The following ROR1 variants were observed in gnomAD, a reference collection of about 807,000 sequenced individuals.
The protein encoded by ROR1 is inactive tyrosine-protein kinase transmembrane receptor ROR1.
A neutral mutation model predicts 78.8 loss-of-function variants in ROR1; 19 were observed. The observed-to-expected ratio is 0.24, with a 90% confidence interval of 0.17 to 0.35. The LOEUF (loss-of-function observed/expected upper bound fraction) is 0.35. Ranked by LOEUF, ROR1 falls within the 10% of genes least tolerant of loss-of-function variation. The pLI, the probability that ROR1 is intolerant of heterozygous loss-of-function variation, is 1.00. For synonymous variants in ROR1, 386 were observed against 433.6 expected (o/e 0.89, Z 1.36); for missense variants, 917 against 1,177.8 (o/e 0.78, Z 3.24).
chr1:64,160,835 G>A (rs905379685), intron 8 of ROR1, among the ~76,000 whole-genome samples: 1 of 152,174 alleles, frequency 6.6e-6, no homozygotes, highest in African/African-American at 2.4e-5. Context: ...AGAACTCTGG[G>A]CGGGGGAGAG....
chr1:63,955,700 A>G (rs1049532095), intron 1 of ROR1, among the ~76,000 whole-genome samples: 2 of 152,182 alleles, frequency 1.3e-5, no homozygotes, highest in Non-Finnish European at 2.9e-5. Context: ...AGCACAGCTC[A>G]CAATCCTTAA....
chr1:64,076,490 G>A (rs1409932995), intron 4 of ROR1, among the ~76,000 whole-genome samples: 1 of 152,140 alleles, frequency 6.6e-6, no homozygotes, highest in Non-Finnish European at 1.5e-5. Context: ...ATGCCTTCCT[G>A]ATAGAAAGAA....
chr1:64,149,137 C>T (rs760021879), intron 7 of ROR1, among the ~76,000 whole-genome samples: 20 of 152,136 alleles, frequency 1.3e-4, no homozygotes, highest in Non-Finnish European at 2.4e-4. Flanking sequence ...ATATCTGTGC[C>T]GGCATCTAGC....
chr1:63,967,829 A>G (rs1220133644), intron 1 of ROR1, among the ~76,000 whole-genome samples: 3 of 152,126 alleles, frequency 2.0e-5, no homozygotes, highest in South Asian at 2.1e-4. Context: ...CTGAAACTTG[A>G]TGTCACCTTG....
At chr1:63,965,260 C>T (rs1033606266) in intron 1 of ROR1, among the ~76,000 whole-genome samples, 5 of 152,094 alleles carry the variant, frequency 3.3e-5, no homozygotes, top group African/African-American at 9.7e-5. Flanking sequence ...TAAACTGGCC[C>T]GCCTTCTTTG....
At chr1:64,081,039 A>G (rs1396164913) in intron 4 of ROR1, among the ~76,000 whole-genome samples, 3 of 152,216 alleles carry the variant, frequency 2.0e-5, no homozygotes, top group African/African-American at 4.8e-5. Context: ...TAGCCAGATC[A>G]TAAATTAGGC....
chr1:63,878,628 C>T (rs544455161), intron 1 of ROR1, among the ~76,000 whole-genome samples: 1 of 152,234 alleles, frequency 6.6e-6, no homozygotes, highest in Middle Eastern at 3.4e-3. Flanking sequence ...TGGGTCTAGC[C>T]TCTGCTGACT....
At chr1:63,846,830 G>A (rs778924957) in intron 1 of ROR1, among the ~76,000 whole-genome samples, 3 of 152,190 alleles carry the variant, frequency 2.0e-5, no homozygotes, top group Non-Finnish European at 4.4e-5. Context: ...AAGGCCTCTA[G>A]AAGCTCACTA....
At chr1:63,855,979 T>G (rs1645146180) in intron 1 of ROR1, among the ~76,000 whole-genome samples, 1 of 152,120 alleles carries the variant, frequency 6.6e-6, no homozygotes, top group African/African-American at 2.4e-5. Context: ...TTTCATATCT[T>G]CAGTGTCTCC....
At chr1:64,147,821 C>T (rs952536342) in intron 7 of ROR1, among the ~76,000 whole-genome samples, 1 of 152,142 alleles carries the variant, frequency 6.6e-6, no homozygotes, top group East Asian at 1.9e-4. Context: ...CTTTGTTCTA[C>T]ACCAGTGATT....
chr1:63,830,954 C>G (rs1644984424), intron 1 of ROR1, among the ~76,000 whole-genome samples: 1 of 152,198 alleles, frequency 6.6e-6, no homozygotes, highest in Admixed American at 6.5e-5. Context: ...AGGCCCTGCA[C>G]CAAGTCCAAA....
rs1650446676 is a variant in ROR1, at chr1:64,178,299, C to T, written c.2258C>T (p.Ser753Leu). The T allele has an allele frequency of 5.6e-6, 9 of 1,614,094 alleles. No homozygotes were observed. The highest frequency in any genetic ancestry group is 6.8e-6 in the Non-Finnish European group (8 of 1,180,014). Residue 753 changes from serine (S) to leucine (L), a missense_variant, in exon 9 of 9, where the codon TCA becomes TTA. Physicochemically the swap from Ser to Leu is moderately radical, Grantham distance 145. This residue lies in a region of ROR1 where 835 missense variants were observed against 1,069.8 expected (regional missense o/e 0.78). Transcript: ENST00000371079. The surrounding 1 kb of genome is among the most constrained non-coding windows in gnomAD (Gnocchi z 4.3). ...CGGCTTCGGTCCTGGGAGGGACTCT[C>T]AAGTCACACAAGCTCTACTACTCCT... ...HVRLRSWEGL[S>L]SHTSSTTPSG... is the part of the protein sequence containing the mutation.
Position 64,151,956 on chromosome 1 carries a change from G to A in ROR1, c.1175-7025G>A, listed in dbSNP as rs576473991. ...AATTTATAAAATCAGAGAACCTTGG[G>A]AGCAACCATAGAAATCATCCAGCCT... is the stretch of plus-strand genomic sequence containing the variant. On this transcript the variant is annotated intron_variant, in intron 7 of 8. Coordinates refer to ENST00000371079, the MANE Select transcript of ROR1 (RefSeq NM_005012.4). Among the ~76,000 whole-genome samples the A allele has an allele frequency of 2.6e-5, 4 of 152,068 alleles. No individual in the cohort carries two copies. In the South Asian group the frequency reaches 6.2e-4, roughly 24 times the overall value.
chr1:64,019,270 C>T (rs1307444728), intron 2 of ROR1, among the ~76,000 whole-genome samples: 1 of 152,122 alleles, frequency 6.6e-6, no homozygotes, highest in Non-Finnish European at 1.5e-5. Flanking sequence ...AATTTCTGTC[C>T]TCAATTTTCT....
rs1645800830 is a variant in ROR1, at chr1:63,937,232, A to G, written c.92-72073A>G. 2.0e-5 allele frequency among the ~76,000 whole-genome samples: 3 copies of G among 152,278 alleles called. No individual in the cohort carries two copies. The South Asian group carries it at 6.2e-4, about 32-fold the overall frequency. The stretch of plus-strand genomic sequence containing the variant: ...GCACAATGCTTTGCACTTCTCAGTG[A>G]GCCGGCAGTGCTTCTGGATGGAATG... On this transcript the variant is annotated intron_variant, in intron 1 of 8. Coordinates refer to ENST00000371079, the MANE Select transcript of ROR1 (RefSeq NM_005012.4).
chr1:63,775,170 TGCAC>T (rs1480424900), intron 1 of ROR1: 1 of 152,102 alleles, frequency 6.6e-6, no homozygotes, highest in African/African-American at 2.4e-5. Context: ...GCTTTGGGTG[TGCAC>T]GCGCGCGCGC....
intron 4 of ROR1, among the ~76,000 whole-genome samples, chr1:64,055,071 A>G (rs1403280471): frequency 6.6e-6 from 1 of 152,170 alleles, no homozygotes; most frequent in African/African-American, 2.4e-5. Flanking sequence ...ACCTCTGTAA[A>G]GACCTATTTC....
Position 64,177,665 on chromosome 1 carries a change from GTCAC to G in ROR1, c.1628_1631del (p.Thr543ArgfsTer23). ...CAATATTGTCTGCCTTCTAGGTGCCGTCACTCAGGAACAACCTGTGTGCATGCTT... is the reference window on the plus strand; with the variant it reads ...CAATATTGTCTGCCTTCTAGGTGCCGTCAGGAACAACCTGTGTGCATGCTT... On this transcript the variant is annotated frameshift_variant, in exon 9 of 9. Transcript: ENST00000371079. LOFTEE classifies it high-confidence loss of function. The G allele has an allele frequency of 6.2e-7, 1 of 1,614,160 alleles. No individual in the cohort carries two copies. Among genetic ancestry groups the G allele is most frequent in the Non-Finnish European group, 8.5e-7 (1 of 1,180,012 alleles).
At chr1:64,053,706 G>A (rs1557629314) in intron 4 of ROR1, among the ~76,000 whole-genome samples, 1 of 152,136 alleles carries the variant, frequency 6.6e-6, no homozygotes, top group Non-Finnish European at 1.5e-5. Flanking sequence ...TGTTTTAAAT[G>A]ATTAAGAGCC....
Sources: gnomAD v4.1 joint callset for allele counts (sites outside exome capture counted in the v4.1 genomes callset) on GRCh38, gnomAD v4.1.1 for gene constraint, gnomAD v4.1.1 regional missense constraint, Gnocchi (gnomAD v3.1) non-coding constraint, MANE v1.5 for transcripts, NCBI Gene and HGNC (gene_info 2026-07-23, HGNC 2026-07-21) for gene names.